Variants in BDH1 observed in about 807,000 individuals in gnomAD.
BDH1 encodes the protein D-beta-hydroxybutyrate dehydrogenase, mitochondrial.
In BDH1, 30 loss-of-function variants were observed where a neutral mutation model predicts 33.1. That is an observed-to-expected ratio of 0.91 (90% confidence interval 0.68 to 1.23). The LOEUF is 1.23. BDH1 is among the 50% of genes most tolerant of loss of function. The pLI, the probability that BDH1 is intolerant of heterozygous loss-of-function variation, is 0.00. For missense variants in BDH1, 443 were observed against 464.4 expected (o/e 0.95, Z 0.42); for synonymous variants, 190 against 183.6 (o/e 1.03, Z -0.28).
intron 4 of BDH1, 57 bp downstream of exon 4, chr3:197,533,432 C>G: frequency 3.8e-6 from 6 of 1,570,982 alleles, no homozygotes; most frequent in Non-Finnish European, 5.3e-6. Context: ...CCTAGGGGCC[C>G]AGAAGAAAGG....
chr3:197,515,450 CCTT>C, intron 6 of BDH1: 2 of 985,760 alleles, frequency 2.0e-6, no homozygotes, highest in African/African-American at 1.7e-5. Flanking sequence ...TGAGTCTTCA[CCTT>C]CTTCTCTTCC....
chr3:197,572,091 T>G (rs1717627496), intron 1 of BDH1, among the ~76,000 whole-genome samples: 1 of 152,170 alleles, frequency 6.6e-6, no homozygotes, highest in Non-Finnish European at 1.5e-5. Flanking sequence ...CCTAGGCCTT[T>G]CCTGGGCCTT....
intron 3 of BDH1, among the ~76,000 whole-genome samples, chr3:197,544,775 C>T (rs113849321): frequency 0.035 from 5,270 of 152,296 alleles, 305 homozygotes; most frequent in African/African-American, 0.12. Flanking sequence ...TGCTAAAAGC[C>T]GGGCCGGGCG....
rs915415892 is a variant in BDH1, at chr3:197,521,149, C to G, written c.409+1491G>C. 9.2e-5 allele frequency among the ~76,000 whole-genome samples: 14 copies of G among 152,282 alleles called. No homozygotes were observed. The highest frequency in any genetic ancestry group is 8.5e-4 in the Admixed American group (13 of 15,300). On this transcript the variant is annotated intron_variant, in intron 6 of 7. Transcript: ENST00000392379. This position sits in a 1 kb window ranked among gnomAD's most constrained non-coding sequence, Gnocchi z 4.9. Reference sequence around the variant, plus strand: ...AGCTGCTCCTGAGAGCTGCCCCACCCCATTCTGAGGGAAAGCAGAGGCCTG... The same window carrying G: ...AGCTGCTCCTGAGAGCTGCCCCACCGCATTCTGAGGGAAAGCAGAGGCCTG...
intron 1 of BDH1, among the ~76,000 whole-genome samples, chr3:197,561,909 G>A (rs1241256905): frequency 2.6e-5 from 4 of 152,052 alleles, no homozygotes; most frequent in African/African-American, 9.7e-5. Context: ...GCCATCTGCA[G>A]TACCAAAAAA....
At chr3:197,549,693 A>G (rs569258170) in intron 2 of BDH1, among the ~76,000 whole-genome samples, 5 of 152,214 alleles carry the variant, frequency 3.3e-5, no homozygotes, top group Non-Finnish European at 7.4e-5. Flanking sequence ...CCTCACACTG[A>G]AGAGCTTCAG....
chr3:197,524,817 C>T (rs1034547601), intron 5 of BDH1, among the ~76,000 whole-genome samples: 10 of 151,982 alleles, frequency 6.6e-5, no homozygotes, highest in Admixed American at 3.3e-4. Context: ...GACAGGAGGT[C>T]GGGCTGATCT....
At chr3:197,566,184 A>G (rs1033756401) in intron 1 of BDH1, among the ~76,000 whole-genome samples, 2 of 152,238 alleles carry the variant, frequency 1.3e-5, no homozygotes, top group African/African-American at 2.4e-5. Flanking sequence ...CATAAGTGCA[A>G]TAAGAATCTG....
intron 1 of BDH1, among the ~76,000 whole-genome samples, chr3:197,571,626 G>T (rs759819979): frequency 6.6e-6 from 1 of 152,204 alleles, no homozygotes; most frequent in African/African-American, 2.4e-5. Flanking sequence ...CATGTAAGAT[G>T]TGCCTTTTGC....
intron 3 of BDH1, among the ~76,000 whole-genome samples, chr3:197,544,540 C>T (rs1249451088): frequency 6.6e-6 from 1 of 152,214 alleles, no homozygotes; most frequent in Non-Finnish European, 1.5e-5. Context: ...ACTGAAAAAA[C>T]AATTGCAGCA....
chr3:197,542,914 A>G (rs1715774923), intron 3 of BDH1, among the ~76,000 whole-genome samples: 1 of 152,188 alleles, frequency 6.6e-6, no homozygotes, highest in African/African-American at 2.4e-5. Flanking sequence ...ACCCAGGAAC[A>G]GAATGAGAGG....
rs1005359354 is a variant in BDH1, at chr3:197,516,199, T to G, written c.410-1783A>C. Among the ~76,000 whole-genome samples, 1 of 152,204 alleles carries G rather than the reference T, an allele frequency of 6.6e-6. No individual in the cohort carries two copies. Among genetic ancestry groups the G allele is most frequent in the African/African-American group, 2.4e-5 (1 of 41,452 alleles). On this transcript the variant is annotated intron_variant, in intron 6 of 7. Coordinates refer to ENST00000392379, the MANE Select transcript of BDH1 (RefSeq NM_203314.3). This position sits in a 1 kb window ranked among gnomAD's most constrained non-coding sequence, Gnocchi z 4.2. Reference sequence around the variant, plus strand: ...ACAAGTGGCCCCCAATGTCCTGGCCTAATCCTGCTCCTCTCAAAGTACACT... The same window carrying G: ...ACAAGTGGCCCCCAATGTCCTGGCCGAATCCTGCTCCTCTCAAAGTACACT...
intron 7 of BDH1, among the ~76,000 whole-genome samples, chr3:197,513,472 CCA>C (rs1712327827): frequency 6.8e-6 from 1 of 147,260 alleles, no homozygotes; most frequent in Non-Finnish European, 1.5e-5. Flanking sequence ...CTCAGCCCAT[CCA>C]GGTGTGCCCC....
At position 197,510,599 on chromosome 3, in the gene BDH1, G is replaced by GGGTGTGTGTGTGTGTGTGT. The variant is rs1553865645; in HGVS notation, c.*1295_*1296insACACACACACACACACACC. On this transcript the variant is annotated 3_prime_UTR_variant, in exon 8 of 8. Coordinates refer to ENST00000392379, the MANE Select transcript of BDH1 (RefSeq NM_203314.3). ...CCACGCTGAAGCCCTGCAGAACAGG[G>GGGTGTGTGTGTGTGTGTGT]GTGTGTGTGTGTGTGTGTGTGTGTG... 4.0e-5 allele frequency: 3 copies of GGGTGTGTGTGTGTGTGTGT among 75,374 alleles called. No homozygotes were observed. The highest frequency in any genetic ancestry group is 7.8e-4 in the East Asian group (1 of 1,274). 4.7% of individuals were successfully genotyped at this position (75,374 alleles called of 1,614,324 possible). A position where few individuals can be genotyped will look rare whatever the true frequency, so the allele number is the denominator to read the frequency against.
chr3:197,547,953 C>T (rs930870198), intron 2 of BDH1, among the ~76,000 whole-genome samples: 3 of 152,258 alleles, frequency 2.0e-5, no homozygotes, highest in African/African-American at 4.8e-5. Context: ...TAGCAGCTAC[C>T]TTAATTCAAA....
rs1712734828 is a variant in BDH1, at chr3:197,516,450, G to A, written c.410-2034C>T. On this transcript the variant is annotated intron_variant, in intron 6 of 7. Transcript: ENST00000392379. This position sits in a 1 kb window ranked among gnomAD's most constrained non-coding sequence, Gnocchi z 4.2. ...AGCTTTAATGAGTGTTGAGAGTGGT[G>A]GACCTAGTTGCCATCTGGAATCCTC... is the stretch of plus-strand genomic sequence containing the variant. Among the ~76,000 whole-genome samples, 1 of 152,082 alleles carries A rather than the reference G, an allele frequency of 6.6e-6. No homozygotes were observed. Among genetic ancestry groups the A allele is most frequent in the African/African-American group, 2.4e-5 (1 of 41,368 alleles).
chr3:197,568,526 T>C (rs1488438693), intron 1 of BDH1, among the ~76,000 whole-genome samples: 1 of 152,102 alleles, frequency 6.6e-6, no homozygotes, highest in Non-Finnish European at 1.5e-5. Context: ...AGGAGCTGCC[T>C]TTTCCTTGCA....
At chr3:197,561,014 G>A (rs1234808618) in intron 1 of BDH1, among the ~76,000 whole-genome samples, 5 of 152,114 alleles carry the variant, frequency 3.3e-5, no homozygotes, top group Admixed American at 6.5e-5. Flanking sequence ...TCCCTAAAAC[G>A]TATGACCACC....
intron 3 of BDH1, chr3:197,542,955 A>G: frequency 1.0e-6 from 1 of 978,656 alleles, no homozygotes; most frequent in Non-Finnish European, 1.2e-6. Flanking sequence ...CACCTCCCCA[A>G]GGCCCTGTGG....
Sources: gnomAD v4.1 joint callset for allele counts (sites outside exome capture counted in the v4.1 genomes callset) on GRCh38, gnomAD v4.1.1 for gene constraint, Gnocchi (gnomAD v3.1) non-coding constraint, MANE v1.5 for transcripts, NCBI Gene and HGNC (gene_info 2026-07-23, HGNC 2026-07-21) for gene names.